Variants in GLI3 observed in about 807,000 individuals in gnomAD.
GLI3 encodes the protein GLI family zinc finger 3.
A neutral mutation model predicts 100.8 loss-of-function variants in GLI3; 20 were observed. The observed-to-expected ratio is 0.20, with a 90% CI of 0.14 to 0.29. The LOEUF is 0.29. Ranked by LOEUF, GLI3 falls within the 10% of genes least tolerant of loss-of-function variation. GLI3 has a pLI of 1.00. For synonymous variants in GLI3, 938 were observed against 860.5 expected (o/e 1.09, Z -1.58); for missense variants, 2,040 against 2,128.5 (o/e 0.96, Z 0.82).
chr7:41,977,880 T>G (rs559217997), intron 11 of GLI3, 158 bp from the exon 12 acceptor site: 125 of 710,484 alleles, frequency 1.8e-4, no homozygotes, highest in Non-Finnish European at 3.0e-4. Flanking sequence ...TTTATTGGGA[T>G]TCAGATGTAG....
chr7:42,027,604 T>A (rs183297952), intron 7 of GLI3, among the ~76,000 whole-genome samples: 60 of 152,348 alleles, frequency 3.9e-4, no homozygotes, highest in Non-Finnish European at 7.5e-4. Context: ...TTCATTAATG[T>A]GACTCTACAT....
chr7:41,965,974 CG>C lies in GLI3; in HGVS notation c.3098del (p.Pro1033ArgfsTer46). 1 of 1,607,546 alleles carries C rather than the reference CG, an allele frequency of 6.2e-7. No individual in the cohort carries two copies. The highest frequency in any genetic ancestry group is 8.5e-7 in the Non-Finnish European group (1 of 1,179,462). On this transcript the variant is annotated frameshift_variant, in exon 15 of 15. Transcript: ENST00000395925. LOFTEE classifies it low-confidence loss of function (END_TRUNC). ...GCTTCTCCGCGGACGTGGCCATCGC[CG>C]GGGGGTTGCAGCTGCTGAGGCTGCT... ...RFSSLSSCNP[P>X]AMATSAEKRS...
chr7:42,143,381 T>G (rs763399965), intron 3 of GLI3, among the ~76,000 whole-genome samples: 4 of 152,226 alleles, frequency 2.6e-5, no homozygotes, highest in Admixed American at 1.3e-4. Flanking sequence ...ACAAAACTGT[T>G]CATTTATGCC....
intron 4 of GLI3, among the ~76,000 whole-genome samples, chr7:42,073,409 C>T (rs1487376766): frequency 6.6e-6 from 1 of 152,158 alleles, no homozygotes; most frequent in African/African-American, 2.4e-5. Context: ...GTTCTAACAC[C>T]TAATAAGCCA....
At chr7:42,210,525 A>G (rs1239329183) in intron 2 of GLI3, among the ~76,000 whole-genome samples, 1 of 152,082 alleles carries the variant, frequency 6.6e-6, no homozygotes, top group Non-Finnish European at 1.5e-5. Context: ...TCTAGTCTGG[A>G]ATAGTGACTC....
chr7:42,259,098 C>A (rs576741761), intron 1 of GLI3, among the ~76,000 whole-genome samples: 1 of 152,184 alleles, frequency 6.6e-6, no homozygotes, highest in Non-Finnish European at 1.5e-5. Flanking sequence ...AGTCAAATTA[C>A]CCTAAACTTG....
intron 12 of GLI3, among the ~76,000 whole-genome samples, chr7:41,974,712 G>A (rs1787462376): frequency 6.6e-6 from 1 of 152,234 alleles, no homozygotes; most frequent in South Asian, 2.1e-4. Context: ...CAGCTCACGG[G>A]ATTATCAGTA....
In GLI3 at chr7:42,065,588, A is replaced by G. The variant is rs6960725; in HGVS notation, c.473+11164T>C. ...TGCTTCAAAAAATAGCATATGTACA[A>G]GAAAATGTAGTGGTTATAGTAAGAT... On this transcript the variant is annotated intron_variant, in intron 4 of 14. Coordinates refer to ENST00000395925, the MANE Select transcript of GLI3 (RefSeq NM_000168.6). Among the ~76,000 whole-genome samples, 1,265 of 152,310 alleles carry G rather than the reference A, an allele frequency of 8.3e-3. 20 individuals carry two copies. The highest frequency in any genetic ancestry group is 0.029 in the African/African-American group (1,201 of 41,556).
intron 3 of GLI3, among the ~76,000 whole-genome samples, chr7:42,132,542 T>C (rs1259206768): frequency 1.3e-5 from 2 of 152,194 alleles, no homozygotes; most frequent in African/African-American, 2.4e-5. Flanking sequence ...CAAACTAATA[T>C]TGGAATAATC....
intron 10 of GLI3, among the ~76,000 whole-genome samples, chr7:41,987,693 T>C (rs894310697): frequency 5.3e-5 from 8 of 152,282 alleles, no homozygotes; most frequent in Non-Finnish European, 7.4e-5. Context: ...GTATGCAAAA[T>C]AGTGCATGAT....
chr7:42,128,717 G>A (rs1286001854), intron 3 of GLI3, among the ~76,000 whole-genome samples: 1 of 152,202 alleles, frequency 6.6e-6, no homozygotes, highest in Non-Finnish European at 1.5e-5. Flanking sequence ...GCCGTCCTTG[G>A]TATGTCAGTA....
At chr7:42,186,068 G>T (rs1024480252) in intron 2 of GLI3, among the ~76,000 whole-genome samples, 1 of 152,160 alleles carries the variant, frequency 6.6e-6, no homozygotes, top group Non-Finnish European at 1.5e-5. Flanking sequence ...GCCTTAAAAC[G>T]TGGCTCAGCA....
At chr7:42,085,178 CTGTT>C (rs900058212) in intron 3 of GLI3, among the ~76,000 whole-genome samples, 36 of 152,022 alleles carry the variant, frequency 2.4e-4, no homozygotes, top group Non-Finnish European at 2.2e-4. Context: ...TCCATAAAAA[CTGTT>C]TGGTTATCTC....
chr7:42,100,484 C>A (rs1017039806), intron 3 of GLI3, among the ~76,000 whole-genome samples: 1 of 151,974 alleles, frequency 6.6e-6, no homozygotes, highest in African/African-American at 2.4e-5. Context: ...ACCAGTAATC[C>A]CAGCACTTTG....
At chr7:42,143,718 C>T (rs1786629531) in intron 3 of GLI3, among the ~76,000 whole-genome samples, 1 of 152,180 alleles carries the variant, frequency 6.6e-6, no homozygotes, top group Admixed American at 6.5e-5. Context: ...ACCAATAGTT[C>T]TGTCATCTGA....
intron 3 of GLI3, among the ~76,000 whole-genome samples, chr7:42,120,195 C>T (rs1785961283): frequency 6.6e-6 from 1 of 152,220 alleles, no homozygotes; most frequent in African/African-American, 2.4e-5. Flanking sequence ...ATATGCAAGA[C>T]ATTTCTAAGG....
intron 2 of GLI3, among the ~76,000 whole-genome samples, chr7:42,170,105 A>G (rs1012494352): frequency 6.6e-6 from 1 of 151,512 alleles, no homozygotes; most frequent in African/African-American, 2.4e-5. Context: ...CAAAAAAATT[A>G]GCTGGGCGTG....
At chr7:41,973,674 A>G (rs534813197) in intron 12 of GLI3, among the ~76,000 whole-genome samples, 46 of 152,210 alleles carry the variant, frequency 3.0e-4, no homozygotes, top group Non-Finnish European at 5.4e-4. Context: ...CAGGATTACT[A>G]TAATGTACCT....
chr7:42,060,635 A>T (rs1465950519), intron 4 of GLI3, among the ~76,000 whole-genome samples: 2 of 152,180 alleles, frequency 1.3e-5, no homozygotes, highest in Non-Finnish European at 2.9e-5. Context: ...TAATTTGATG[A>T]ATTACCAATT....
Sources: gnomAD v4.1 joint callset for allele counts (sites outside exome capture counted in the v4.1 genomes callset) on GRCh38, gnomAD v4.1.1 for gene constraint, MANE v1.5 for transcripts, NCBI Gene and HGNC (gene_info 2026-07-23, HGNC 2026-07-21) for gene names.